SLC12A7: variants seen among roughly 807,000 people sequenced by gnomAD.
SLC12A7 encodes K-Cl cotransporter 4.
SLC12A7 carries 100 observed loss-of-function variants against 120.6 expected under a neutral mutation model. That is an observed-to-expected ratio of 0.83 (90% CI 0.71 to 0.98). SLC12A7 has a LOEUF of 0.98. Among genes scored for constraint, SLC12A7 ranks in the 50% least tolerant of loss-of-function variants. SLC12A7 has a pLI of 0.00. For missense variants in SLC12A7, 1,373 were observed against 1,548.1 expected (o/e 0.89, Z 1.90); for synonymous variants, 760 against 678.0 (o/e 1.12, Z -1.88).
chr5:1,140,615 T>A, the SLC12A7 span, among the ~76,000 whole-genome samples: 1 of 152,108 alleles, frequency 6.6e-6, no homozygotes, highest in Non-Finnish European at 1.5e-5. Context: ...ATCCCGGAGT[T>A]CCCCGTGCTC....
chr5:1,058,449 G>T (rs1735853982), intron 21 of SLC12A7, among the ~76,000 whole-genome samples: 1 of 152,218 alleles, frequency 6.6e-6, no homozygotes, highest in Non-Finnish European at 1.5e-5. Context: ...CACTGGAATG[G>T]CCACCTCTCC....
intron 16 of SLC12A7, 47 bp from the exon 17 acceptor site, chr5:1,073,848 G>T (rs200384752): frequency 2.2e-6 from 3 of 1,346,710 alleles, no homozygotes; most frequent in Non-Finnish European, 2.9e-6. Flanking sequence ...GCTTACCAGG[G>T]CACGGCCCAT....
rs547504741 is a variant in SLC12A7, at chr5:1,050,457, TTGTAAATGGC to T, written c.*1893_*1902del. 6.9e-4 allele frequency: 121 copies of T among 174,354 alleles called. No individual in the cohort carries two copies. The highest frequency in any genetic ancestry group is 5.0e-3 in the South Asian group (25 of 5,000). The allele number at this position is 174,354 out of a possible 1,614,324, so 10.8% of individuals were successfully genotyped here. A position where few individuals can be genotyped will look rare whatever the true frequency, so the allele number is the denominator to read the frequency against. ...AACCTACAAAAGGAAACGGAGTCAA[TTGTAAATGGC>T]TGTAGTTACTGGTTACACGGAGTTG... On this transcript the variant is annotated 3_prime_UTR_variant, in exon 24 of 24. Transcript: ENST00000264930.
intron 22 of SLC12A7, 131 bp downstream of exon 22, chr5:1,057,340 T>C: frequency 1.1e-6 from 1 of 950,684 alleles, no homozygotes; most frequent in Non-Finnish European, 1.5e-6. Context: ...GGCTCCCTGT[T>C]CTCTAACGGG....
chr5:1,067,651 C>G (rs1009849514), intron 17 of SLC12A7, among the ~76,000 whole-genome samples: 1 of 152,240 alleles, frequency 6.6e-6, no homozygotes, highest in African/African-American at 2.4e-5. Flanking sequence ...GGCTGCTGTG[C>G]TCACCCCCAC....
chr5:1,121,636 A>G, the SLC12A7 span, among the ~76,000 whole-genome samples: 3 of 152,226 alleles, frequency 2.0e-5, no homozygotes, highest in Non-Finnish European at 4.4e-5. Context: ...AGTGGCAGGC[A>G]GGGACAAGGG....
chr5:1,155,539 G>C, the SLC12A7 span, among the ~76,000 whole-genome samples: 10 of 151,934 alleles, frequency 6.6e-5, no homozygotes, highest in East Asian at 1.9e-3. Flanking sequence ...GGCAGGGGCG[G>C]GGCTCCGCTG....
chr5:1,068,772 T>C (rs1300498718), intron 17 of SLC12A7, among the ~76,000 whole-genome samples: 1 of 152,232 alleles, frequency 6.6e-6, no homozygotes, highest in Non-Finnish European at 1.5e-5. Flanking sequence ...CGTGAGAGTA[T>C]AAGTGAGCGC....
At chr5:1,069,760 T>A (rs1424451787) in intron 17 of SLC12A7, among the ~76,000 whole-genome samples, 2 of 152,188 alleles carry the variant, frequency 1.3e-5, no homozygotes, top group African/African-American at 4.8e-5. Context: ...CCCACAGGCT[T>A]TCATCGTGTC....
chr5:1,084,012 C>CCCCA (rs2150856894), intron 7 of SLC12A7, 56 bp from the exon 8 acceptor site: 1 of 1,481,368 alleles, frequency 6.8e-7, no homozygotes, highest in East Asian at 2.3e-5. Flanking sequence ...GCTTTTACTG[C>CCCCA]CCCACCCAGC....
the SLC12A7 span, among the ~76,000 whole-genome samples, chr5:1,125,559 A>G: frequency 6.6e-6 from 1 of 152,174 alleles, no homozygotes; most frequent in African/African-American, 2.4e-5. Flanking sequence ...TAATTTATTT[A>G]TAACTTTGAC....
intron 21 of SLC12A7, among the ~76,000 whole-genome samples, chr5:1,060,086 C>A (rs1736026040): frequency 6.6e-6 from 1 of 152,240 alleles, no homozygotes; most frequent in Non-Finnish European, 1.5e-5. Flanking sequence ...CATGAGCATG[C>A]ATCTGGCAGG....
chr5:1,126,695 G>C, the SLC12A7 span, among the ~76,000 whole-genome samples: 1 of 152,112 alleles, frequency 6.6e-6, no homozygotes, highest in African/African-American at 2.4e-5. Flanking sequence ...GTGTCCATGC[G>C]TTCTCATCGT....
At chr5:1,093,437 C>A in intron 3 of SLC12A7, 96 bp downstream of exon 3, 1 of 1,256,824 alleles carries the variant, frequency 8.0e-7, no homozygotes, top group South Asian at 1.4e-5. Flanking sequence ...GAGCTCAGGG[C>A]AGCTCTTCTG....
At chr5:1,119,589 T>C in the SLC12A7 span, among the ~76,000 whole-genome samples, 1 of 152,242 alleles carries the variant, frequency 6.6e-6, no homozygotes, top group Admixed American at 6.5e-5. Context: ...GGTTCAGCCC[T>C]GACCGTCGGG....
At chr5:1,063,412 G>A (rs1018860613) in intron 20 of SLC12A7, among the ~76,000 whole-genome samples, 4 of 152,192 alleles carry the variant, frequency 2.6e-5, no homozygotes, top group African/African-American at 9.7e-5. Flanking sequence ...GTCCCGGGCC[G>A]AGGAGGACAC....
intron 12 of SLC12A7, among the ~76,000 whole-genome samples, chr5:1,077,345 G>A (rs951486482): frequency 1.3e-5 from 2 of 152,202 alleles, no homozygotes; most frequent in African/African-American, 4.8e-5. Context: ...AGCTGCCCCT[G>A]GGCCCAGGTA....
intron 20 of SLC12A7, among the ~76,000 whole-genome samples, chr5:1,061,716 G>A (rs539520353): frequency 1.1e-4 from 17 of 152,292 alleles, no homozygotes; most frequent in Non-Finnish European, 1.9e-4. Context: ...TTGGGAGGCC[G>A]AGGCGGGTGG....
chr5:1,083,296 C>T (rs1044186367), intron 8 of SLC12A7, among the ~76,000 whole-genome samples: 20 of 150,560 alleles, frequency 1.3e-4, no homozygotes, highest in South Asian at 2.1e-4. Flanking sequence ...CTGGAAAGTC[C>T]GGGCTTCCCG....
Sources: gnomAD v4.1 joint callset for allele counts (sites outside exome capture counted in the v4.1 genomes callset) on GRCh38, gnomAD v4.1.1 for gene constraint, MANE v1.5 for transcripts, NCBI Gene and HGNC (gene_info 2026-07-23, HGNC 2026-07-21) for gene names.